The following ANKS1B variants were observed in gnomAD, a reference collection of about 807,000 sequenced individuals.
The protein encoded by ANKS1B is ankyrin repeat and sterile alpha motif domain-containing protein 1B.
ANKS1B carries 36 observed loss-of-function variants against 148.3 expected under a neutral mutation model. The ratio of observed to expected loss-of-function variants is 0.24; its 90% CI spans 0.19 to 0.32. The LOEUF is 0.32. Among genes scored for constraint, ANKS1B ranks in the 10% least tolerant of loss-of-function variants. The pLI, the probability that ANKS1B is intolerant of heterozygous loss-of-function variation, is 1.00. For missense variants in ANKS1B, 1,157 were observed against 1,542.6 expected (o/e 0.75, Z 4.19); for synonymous variants, 542 against 560.8 (o/e 0.97, Z 0.47).
chr12:99,899,900 AT>A (rs925522357), intron 1 of ANKS1B, among the ~76,000 whole-genome samples: 177 of 140,814 alleles, frequency 1.3e-3, no homozygotes, highest in South Asian at 1.8e-3. Flanking sequence ...AAGAATTGTG[AT>A]TTTTTTTTTT....
intron 8 of ANKS1B, among the ~76,000 whole-genome samples, chr12:99,663,041 T>C (rs994704838): frequency 1.3e-5 from 2 of 152,178 alleles, no homozygotes; most frequent in Non-Finnish European, 2.9e-5. Flanking sequence ...ATTTTGTCAA[T>C]TTAAAAGGCA....
chr12:99,173,559 A>G (rs1406603468), intron 14 of ANKS1B, among the ~76,000 whole-genome samples: 2 of 152,198 alleles, frequency 1.3e-5, no homozygotes, highest in Non-Finnish European at 2.9e-5. Context: ...AAAACAAAGA[A>G]TAGAGCTGGC....
intron 15 of ANKS1B, among the ~76,000 whole-genome samples, chr12:99,148,584 G>A (rs2153813573): frequency 6.6e-6 from 1 of 152,208 alleles, no homozygotes; most frequent in East Asian, 1.9e-4. Flanking sequence ...TCTTTAAAGA[G>A]CTCAAAATAT....
chr12:98,790,499 T>C (rs2153552385), intron 22 of ANKS1B, among the ~76,000 whole-genome samples: 1 of 152,208 alleles, frequency 6.6e-6, no homozygotes, highest in African/African-American at 2.4e-5. Context: ...CAGTATTTTT[T>C]TTGGTAGAGA....
At position 98,830,755 on chromosome 12, in the gene ANKS1B, G is replaced by A. The variant is rs1477939552; in HGVS notation, c.2886+1274C>T. On this transcript the variant is annotated intron_variant, in intron 18 of 26. Transcript: ENST00000683438. ...TTCAGGGAGATCTCAGCTTTTCGAC[G>A]AATTTTAGAAAAGTTCTTGTAGGAC... 3.3e-5 allele frequency among the ~76,000 whole-genome samples: 5 copies of A among 152,022 alleles called. No homozygotes were observed. The South Asian group carries it at 6.2e-4, about 19-fold the overall frequency.
At chr12:99,009,303 A>G (rs2099937924) in intron 17 of ANKS1B, among the ~76,000 whole-genome samples, 1 of 152,218 alleles carries the variant, frequency 6.6e-6, no homozygotes, top group Non-Finnish European at 1.5e-5. Flanking sequence ...AGTTTTGAAC[A>G]CAATCTCTCA....
At chr12:99,318,044 A>T (rs901066364) in intron 12 of ANKS1B, among the ~76,000 whole-genome samples, 1 of 152,110 alleles carries the variant, frequency 6.6e-6, no homozygotes, top group Non-Finnish European at 1.5e-5. Context: ...AAGATTTTTG[A>T]TGTGCTGCTG....
chr12:99,775,186 T>C (rs1490210675), intron 7 of ANKS1B, among the ~76,000 whole-genome samples: 2 of 152,168 alleles, frequency 1.3e-5, no homozygotes, highest in Non-Finnish European at 2.9e-5. Context: ...CTATGTGAGA[T>C]GATGGCTATG....
At chr12:98,740,084 G>T (rs779087278), downstream of ANKS1B, among the ~76,000 whole-genome samples, 1 of 152,166 alleles carries the variant, frequency 6.6e-6, no homozygotes, top group African/African-American at 2.4e-5. Context: ...AATGAGGGGA[G>T]AAAAGACCCT....
intron 1 of ANKS1B, among the ~76,000 whole-genome samples, chr12:99,983,706 C>T (rs989247299): frequency 7.9e-5 from 12 of 152,170 alleles, no homozygotes; most frequent in Admixed American, 2.6e-4. Flanking sequence ...AGGGTAATTG[C>T]ATGCACGCAA....
At chr12:99,052,251 A>C (rs1332354143) in intron 17 of ANKS1B, among the ~76,000 whole-genome samples, 1 of 152,234 alleles carries the variant, frequency 6.6e-6, no homozygotes, top group Non-Finnish European at 1.5e-5. Flanking sequence ...TTTGGGCTTG[A>C]CTATTTGGCA....
At chr12:99,777,673 C>T (rs7313850) in intron 6 of ANKS1B, among the ~76,000 whole-genome samples, 55,626 of 151,830 alleles carry the variant, frequency 0.37, 11,576 homozygotes, top group Non-Finnish European at 0.46. Flanking sequence ...CAACCTCTGC[C>T]TTCTGGGTTC....
chr12:98,746,127 G>A (rs904812190), intron 26 of ANKS1B, among the ~76,000 whole-genome samples: 1 of 152,210 alleles, frequency 6.6e-6, no homozygotes, highest in Admixed American at 6.5e-5. Context: ...GCTGAGAGGT[G>A]AGATACGAGG....
At chr12:99,853,361 G>A (rs1175032291) in intron 1 of ANKS1B, among the ~76,000 whole-genome samples, 1 of 152,156 alleles carries the variant, frequency 6.6e-6, no homozygotes, top group Non-Finnish European at 1.5e-5. Flanking sequence ...ACAAGAGCAG[G>A]TGCTGGTATT....
chr12:98,816,230 C>T (rs1381051849), intron 19 of ANKS1B, among the ~76,000 whole-genome samples: 2 of 152,196 alleles, frequency 1.3e-5, no homozygotes, highest in African/African-American at 2.4e-5. Context: ...AGGCATATTA[C>T]ATCCAAATTA....
At chr12:99,061,871 G>C (rs2042564919) in intron 16 of ANKS1B, among the ~76,000 whole-genome samples, 5 of 152,120 alleles carry the variant, frequency 3.3e-5, no homozygotes, top group Admixed American at 2.6e-4. Flanking sequence ...GTGTTTGTTG[G>C]CATTTCTCTG....
At chr12:99,531,617 C>G (rs910784141) in intron 9 of ANKS1B, among the ~76,000 whole-genome samples, 9 of 152,124 alleles carry the variant, frequency 5.9e-5, no homozygotes, top group Non-Finnish European at 1.3e-4. Flanking sequence ...AGTTGATGGG[C>G]ACTGAGATTG....
intron 1 of ANKS1B, among the ~76,000 whole-genome samples, chr12:99,928,451 T>G (rs552216839): frequency 6.6e-6 from 1 of 151,266 alleles, no homozygotes; most frequent in East Asian, 1.9e-4. Context: ...GCTAATTTTT[T>G]GTATTTTTAG....
rs539829618 is a variant in ANKS1B, at chr12:98,760,909, A to G, written c.3580-9387T>C. 7.7e-4 allele frequency among the ~76,000 whole-genome samples: 118 copies of G among 152,288 alleles called. 5 individuals are homozygous for G. The South Asian group carries it at 0.023, about 30-fold the overall frequency. ...GAAGTCAAACTGCCTATGAACTTGA[A>G]CTGTATTTTATTTCCTTTCATAATG... On this transcript the variant is annotated intron_variant, in intron 25 of 26. Transcript: ENST00000683438.
Sources: gnomAD v4.1 joint callset for allele counts (sites outside exome capture counted in the v4.1 genomes callset) on GRCh38, gnomAD v4.1.1 for gene constraint, MANE v1.5 for transcripts, NCBI Gene and HGNC (gene_info 2026-07-23, HGNC 2026-07-21) for gene names.